Variants in NEBL observed in about 807,000 individuals in gnomAD.
NEBL encodes nebulette.
A neutral mutation model predicts 140.2 loss-of-function variants in NEBL; 122 were observed. That is an observed-to-expected ratio of 0.87 (90% confidence interval 0.75 to 1.01). The LOEUF (loss-of-function observed/expected upper bound fraction) is 1.01, where lower values mean the gene tolerates loss of function less well. Ranked by LOEUF, NEBL falls within the 50% of genes least tolerant of loss-of-function variation. The pLI is 0.00. For synonymous variants in NEBL, 436 were observed against 398.9 expected (o/e 1.09, Z -1.11); for missense variants, 1,365 against 1,231.3 (o/e 1.11, Z -1.62).
upstream of NEBL, among the ~76,000 whole-genome samples, chr10:20,901,267 T>C (rs1037312168): frequency 5.3e-5 from 8 of 152,106 alleles, no homozygotes; most frequent in Admixed American, 2.0e-4. Context: ...TAGCTTGATG[T>C]TTACACGTAA....
intron 26 of NEBL, among the ~76,000 whole-genome samples, chr10:20,805,561 T>G (rs1263438388): frequency 2.0e-5 from 3 of 151,476 alleles, no homozygotes; most frequent in African/African-American, 7.3e-5. Context: ...CCCCAAAGAG[T>G]CAACTTTTTG....
intron 4 of NEBL, among the ~76,000 whole-genome samples, chr10:20,910,068 T>C (rs150715784): frequency 6.6e-6 from 1 of 152,214 alleles, no homozygotes; most frequent in African/African-American, 2.4e-5. Context: ...GGTAGGACTC[T>C]ACTTTAAAAA....
At chr10:21,140,960 A>T (rs536623906) in intron 2 of NEBL, among the ~76,000 whole-genome samples, 36 of 148,886 alleles carry the variant, frequency 2.4e-4, no homozygotes, top group Middle Eastern at 3.4e-3. Context: ...AAGTAAAATT[A>T]AAAAAAAAAG....
At chr10:21,096,723 C>T (rs1157874120) in intron 2 of NEBL, among the ~76,000 whole-genome samples, 1 of 152,104 alleles carries the variant, frequency 6.6e-6, no homozygotes, top group East Asian at 1.9e-4. Context: ...CTATGTTGCC[C>T]AAGCTAGTCT....
chr10:20,948,110 G>A (rs1405429591), intron 4 of NEBL, among the ~76,000 whole-genome samples: 1 of 152,208 alleles, frequency 6.6e-6, no homozygotes, highest in Non-Finnish European at 1.5e-5. Context: ...AGAGTTGAGT[G>A]TTGTTCCTAT....
chr10:20,894,236 G>A (rs1019694629), intron 2 of NEBL, among the ~76,000 whole-genome samples: 5 of 152,168 alleles, frequency 3.3e-5, no homozygotes, highest in African/African-American at 7.2e-5. Context: ...CTGGGAGAAC[G>A]ATGCAGGAGA....
intron 2 of NEBL, among the ~76,000 whole-genome samples, chr10:21,145,190 G>A (rs2132111008): frequency 6.6e-6 from 1 of 152,322 alleles, no homozygotes; most frequent in African/African-American, 2.4e-5. Flanking sequence ...GTCTGGGACA[G>A]TAGGTTGCTA....
chr10:20,982,285 A>G (rs1341621668), intron 3 of NEBL, among the ~76,000 whole-genome samples: 1 of 152,198 alleles, frequency 6.6e-6, no homozygotes, highest in Non-Finnish European at 1.5e-5. Flanking sequence ...CCCTCTCCAA[A>G]CTACTGCATG....
At chr10:20,810,611 G>C (rs1433364216) in intron 24 of NEBL, among the ~76,000 whole-genome samples, 2 of 152,186 alleles carry the variant, frequency 1.3e-5, no homozygotes, top group Non-Finnish European at 2.9e-5. Flanking sequence ...TCAGTGATCA[G>C]ACTGTGCAAA....
chr10:21,061,354 A>ATTATGTG (rs1316438737), intron 2 of NEBL, among the ~76,000 whole-genome samples: 247 of 147,444 alleles, frequency 1.7e-3, no homozygotes, highest in East Asian at 3.6e-3. Context: ...TATGTTACAT[A>ATTATGTG]ATATATGGGT....
At chr10:21,134,360 T>G (rs191060670) in intron 2 of NEBL, among the ~76,000 whole-genome samples, 22 of 152,358 alleles carry the variant, frequency 1.4e-4, no homozygotes, top group African/African-American at 5.3e-4. Flanking sequence ...TCTTATTTTC[T>G]ACAGTATTTT....
intron 16 of NEBL, 24 bp from the exon 17 acceptor site, chr10:20,828,658 A>G (rs1840114527): frequency 6.9e-7 from 1 of 1,455,880 alleles, no homozygotes; most frequent in Non-Finnish European, 9.6e-7. Context: ...CAGTTAATAT[A>G]AATCTGAAAC....
chr10:20,810,442 T>C (rs1838027168), intron 24 of NEBL, among the ~76,000 whole-genome samples: 1 of 152,252 alleles, frequency 6.6e-6, no homozygotes, highest in Admixed American at 6.5e-5. Context: ...GTTTTCATTC[T>C]GAGTCTGTGA....
upstream of NEBL, among the ~76,000 whole-genome samples, chr10:21,179,636 C>T (rs910721908): frequency 1.3e-5 from 2 of 151,850 alleles, no homozygotes; most frequent in African/African-American, 2.4e-5. Context: ...TGTATTGGAC[C>T]ATTACTGTGC....
intron 3 of NEBL, among the ~76,000 whole-genome samples, chr10:21,200,740 A>G (rs1357686746): frequency 6.6e-6 from 1 of 152,134 alleles, no homozygotes; most frequent in East Asian, 1.9e-4. Context: ...CAGCTGGCAT[A>G]CCTGGACCAA....
At chr10:21,154,318 G>T (rs1589291322) in intron 2 of NEBL, among the ~76,000 whole-genome samples, 2 of 151,916 alleles carry the variant, frequency 1.3e-5, no homozygotes, top group African/African-American at 2.4e-5. Context: ...AATTAGCCAA[G>T]CATGGTGGCA....
intron 26 of NEBL, among the ~76,000 whole-genome samples, chr10:20,789,292 T>C (rs928481226): frequency 1.3e-5 from 2 of 152,242 alleles, no homozygotes; most frequent in Non-Finnish European, 2.9e-5. Context: ...TGTAAATTTA[T>C]AAAAATTAAA....
intron 3 of NEBL, among the ~76,000 whole-genome samples, chr10:21,243,170 G>C (rs1842463083): frequency 6.6e-6 from 1 of 152,110 alleles, no homozygotes; most frequent in Admixed American, 6.6e-5. Flanking sequence ...AGTGTCTACT[G>C]AGTGAGATTA....
Position 21,044,359 on chromosome 10 carries a change from C to T in NEBL, c.165-24158G>A, listed in dbSNP as rs570398494. On this transcript the variant is annotated intron_variant, in intron 2 of 6. Coordinates refer to the NEBL transcript ENST00000417816. ...TTGAAGTGAGCTGAGATGGTGCCAC[C>T]GCACTCCAGCCTGGGTGACTGGGTG... is the stretch of plus-strand genomic sequence containing the variant. Among the ~76,000 whole-genome samples the T allele has an allele frequency of 1.7e-3, 233 of 137,264 alleles. 1 individual carries two copies. The highest frequency in any genetic ancestry group is 5.8e-3 in the African/African-American group (217 of 37,544). 90.1% of individuals were successfully genotyped at this position (137,264 alleles called of 152,430 possible).
Sources: allele counts gnomAD v4.1 joint callset (sites outside exome capture counted in the v4.1 genomes callset), GRCh38; gene constraint gnomAD v4.1.1; transcripts MANE v1.5; gene names NCBI Gene and HGNC (gene_info 2026-07-23, HGNC 2026-07-21).